The following ADAM10 variants were observed in gnomAD, a reference collection of about 807,000 sequenced individuals.
The protein encoded by ADAM10 is disintegrin and metalloproteinase domain-containing protein 10.
Under a neutral mutation model 90.1 loss-of-function variants are expected in ADAM10, and 17 were observed. The observed-to-expected ratio is 0.19, with a 90% CI of 0.13 to 0.28. The LOEUF is 0.28. Among genes scored for constraint, ADAM10 ranks in the 10% least tolerant of loss-of-function variants. ADAM10 has a pLI of 1.00. For missense variants in ADAM10, 610 were observed against 914.3 expected (o/e 0.67, Z 4.29); for synonymous variants, 310 against 298.6 (o/e 1.04, Z -0.40).
At position 58,596,050 on chromosome 15, in the gene ADAM10, C is replaced by T. The variant is rs1894942282; in HGVS notation, c.*1497G>A. 6.7e-6 allele frequency: 1 copy of T among 149,916 alleles called. No individual in the cohort carries two copies. Among genetic ancestry groups the T allele is most frequent in the Admixed American group, 6.6e-5 (1 of 15,064 alleles). 9.3% of individuals were successfully genotyped at this position (149,916 alleles called of 1,614,324 possible). A position where few individuals can be genotyped will look rare whatever the true frequency, so the allele number is the denominator to read the frequency against. ...CATTTTTGGCCTTGCTGGCTTGCGT[C>T]ACATTATGAGAATGATTGTGTAAAC... is the stretch of plus-strand genomic sequence containing the variant. On this transcript the variant is annotated 3_prime_UTR_variant, in exon 16 of 16. Coordinates refer to ENST00000260408, the MANE Select transcript of ADAM10 (RefSeq NM_001110.4).
At chr15:58,611,500 C>T (rs1354009993) in intron 12 of ADAM10, 2 of 334,412 alleles carry the variant, frequency 6.0e-6, no homozygotes, top group South Asian at 4.0e-5. Context: ...GAGAAGATGA[C>T]CAAAGAGTTC....
At chr15:58,668,851 T>G (rs553314496) in intron 4 of ADAM10, among the ~76,000 whole-genome samples, 1 of 152,252 alleles carries the variant, frequency 6.6e-6, no homozygotes, top group East Asian at 1.9e-4. Flanking sequence ...TCAAAGGTCA[T>G]CCATTAACCA....
intron 11 of ADAM10, among the ~76,000 whole-genome samples, chr15:58,613,673 C>CT (rs1442343104): frequency 6.6e-6 from 1 of 151,782 alleles, no homozygotes; most frequent in Non-Finnish European, 1.5e-5. Flanking sequence ...TAATAGACAG[C>CT]TTCAACAGCA....
chr15:58,609,908 T>G (rs1247261694), intron 14 of ADAM10: 1 of 256,272 alleles, frequency 3.9e-6, no homozygotes, highest in East Asian at 9.9e-5. Context: ...GAGATTATAC[T>G]GAAAGATCAG....
intron 2 of ADAM10, among the ~76,000 whole-genome samples, chr15:58,712,834 G>C (rs1458261918): frequency 6.6e-6 from 1 of 151,838 alleles, no homozygotes; most frequent in African/African-American, 2.4e-5. Context: ...TCAAAAAAAA[G>C]AACAAGACAG....
intron 2 of ADAM10, among the ~76,000 whole-genome samples, chr15:58,700,221 A>C (rs191799363): frequency 6.6e-6 from 1 of 152,358 alleles, no homozygotes; most frequent in Admixed American, 6.5e-5. Flanking sequence ...TTGGATTTAA[A>C]CTGCACATTG....
intron 1 of ADAM10, among the ~76,000 whole-genome samples, chr15:58,729,723 G>T (rs1899160751): frequency 6.6e-6 from 1 of 152,116 alleles, no homozygotes; most frequent in African/African-American, 2.4e-5. Context: ...CAGCACTTTG[G>T]GAGGCCAAGG....
intron 14 of ADAM10, among the ~76,000 whole-genome samples, chr15:58,601,262 G>C (rs980988731): frequency 6.6e-6 from 1 of 152,048 alleles, no homozygotes; most frequent in Admixed American, 6.6e-5. Flanking sequence ...AGGAGTTCGA[G>C]ACTAGCCAGG....
intron 5 of ADAM10, among the ~76,000 whole-genome samples, chr15:58,649,082 G>C (rs932022029): frequency 5.9e-5 from 9 of 151,742 alleles, no homozygotes; most frequent in Non-Finnish European, 1.3e-4. Context: ...AGATATTTTG[G>C]GGTTTAAATC....
chr15:58,695,122 C>T (rs1449959026), intron 2 of ADAM10, among the ~76,000 whole-genome samples: 2 of 152,166 alleles, frequency 1.3e-5, no homozygotes, highest in African/African-American at 2.4e-5. Context: ...CTTCATTTCA[C>T]GTCAGTCTTG....
chr15:58,685,217 T>C (rs1296108282), intron 2 of ADAM10, among the ~76,000 whole-genome samples: 1 of 148,350 alleles, frequency 6.7e-6, no homozygotes, highest in Non-Finnish European at 1.5e-5. Flanking sequence ...ATCCCAGCAT[T>C]TGGGGAGGCC....
In ADAM10 at chr15:58,691,830, T is replaced by A. The variant is rs144464247; in HGVS notation, c.207-9516A>T. Among the ~76,000 whole-genome samples the A allele has an allele frequency of 1.4e-3, 212 of 151,616 alleles. 1 individual carries two copies. Among genetic ancestry groups the A allele is most frequent in the African/African-American group, 4.9e-3 (201 of 41,396 alleles). ...CCCAAGTAGCTGGGATTACAGGCGT[T>A]GTGCCCAGCTAATTTTTGTATTTTT... On this transcript the variant is annotated intron_variant, in intron 2 of 15. Coordinates refer to ENST00000260408, the MANE Select transcript of ADAM10 (RefSeq NM_001110.4).
intron 11 of ADAM10, among the ~76,000 whole-genome samples, chr15:58,618,235 T>C (rs995944780): frequency 2.0e-5 from 2 of 98,876 alleles, no homozygotes; most frequent in Non-Finnish European, 1.7e-5. Flanking sequence ...TTACAGCCAA[T>C]TGATTTTCGA....
chr15:58,747,528 G>C (rs1899830451), intron 1 of ADAM10: 1 of 152,114 alleles, frequency 6.6e-6, no homozygotes, highest in African/African-American at 2.4e-5. Flanking sequence ...TCTTACAAGT[G>C]ACCAAAAATA....
At chr15:58,645,848 A>G (rs2047309273) in intron 6 of ADAM10, among the ~76,000 whole-genome samples, 1 of 146,014 alleles carries the variant, frequency 6.8e-6, no homozygotes, top group Admixed American at 7.0e-5. Context: ...TCAGGAAATC[A>G]TTGTCTTACC....
At chr15:58,742,802 C>G (rs937608014) in intron 1 of ADAM10, among the ~76,000 whole-genome samples, 13 of 152,128 alleles carry the variant, frequency 8.5e-5, no homozygotes, top group Non-Finnish European at 1.8e-4. Flanking sequence ...TTTAGGGTTG[C>G]TTGGAAGAGC....
chr15:58,636,780 T>C (rs1226952874), intron 8 of ADAM10, among the ~76,000 whole-genome samples: 1 of 152,064 alleles, frequency 6.6e-6, no homozygotes, highest in East Asian at 1.9e-4. Context: ...TACCTTGACA[T>C]ATTCCATAAA....
At chr15:58,654,511 T>C (rs530740233) in intron 5 of ADAM10, among the ~76,000 whole-genome samples, 26 of 152,308 alleles carry the variant, frequency 1.7e-4, no homozygotes, top group African/African-American at 6.0e-4. Context: ...CCCAAGGACC[T>C]GGGACTACAG....
intron 14 of ADAM10, among the ~76,000 whole-genome samples, chr15:58,603,791 T>A (rs1470617371): frequency 1.4e-5 from 2 of 147,546 alleles, no homozygotes; most frequent in African/African-American, 5.0e-5. Flanking sequence ...TCCACCTTTT[T>A]AAAAAGTAAA....
Sources: gnomAD v4.1 joint callset for allele counts (sites outside exome capture counted in the v4.1 genomes callset) on GRCh38, gnomAD v4.1.1 for gene constraint, MANE v1.5 for transcripts, NCBI Gene and HGNC (gene_info 2026-07-23, HGNC 2026-07-21) for gene names.